The following ASPH variants were observed in gnomAD, a reference collection of about 807,000 sequenced individuals.
ASPH encodes aspartyl/asparaginyl beta-hydroxylase.
Under a neutral mutation model 118.4 loss-of-function variants are expected in ASPH, and 100 were observed. That is an observed-to-expected ratio of 0.84 (90% CI 0.72 to 1.00). The LOEUF (loss-of-function observed/expected upper bound fraction) is 1.00, where lower values mean the gene tolerates loss of function less well. ASPH is among the 50% of genes least tolerant of loss of function. The pLI is 0.00. For missense variants in ASPH, 920 were observed against 919.5 expected, an observed-to-expected ratio of 1.00 and a Z score of -0.01; for synonymous variants, 315 against 325.6, an observed-to-expected ratio of 0.97 and a Z score of 0.35.
At position 61,689,524 on chromosome 8, in the gene ASPH, C is replaced by G. The variant is rs1443574397; in HGVS notation, c.104-5336G>C. The G allele has an allele frequency of 1.0e-5, 7 of 671,388 alleles. No individual in the cohort carries two copies. In the East Asian group the frequency reaches 2.0e-4, roughly 20 times the overall value. 41.6% of individuals were successfully genotyped at this position (671,388 alleles called of 1,614,324 possible). On this transcript the variant is annotated intron_variant, in intron 1 of 24. Transcript: ENST00000379454. Reference sequence around the variant, plus strand: ...GAAATATTCAGCTACTATGAAAAGTCAGTATCTCCAGGAGTTCAAAATAGA... The same window carrying G: ...GAAATATTCAGCTACTATGAAAAGTGAGTATCTCCAGGAGTTCAAAATAGA...
At chr8:61,559,443 GTCTC>G (rs546373109) in intron 18 of ASPH, among the ~76,000 whole-genome samples, 1 of 152,008 alleles carries the variant, frequency 6.6e-6, no homozygotes, top group Non-Finnish European at 1.5e-5. Flanking sequence ...TAGACAGATT[GTCTC>G]TCTCTTTCTC....
intron 14 of ASPH, among the ~76,000 whole-genome samples, chr8:61,618,372 C>T (rs1167382466): frequency 6.6e-6 from 1 of 152,092 alleles, no homozygotes; most frequent in Non-Finnish European, 1.5e-5. Flanking sequence ...TATGATCATC[C>T]ATATAATTTT....
chr8:61,607,385 G>A lies in ASPH; in HGVS notation c.976+11593C>T, dbSNP rs1845901335. ...TCTCCTACTCCGTTCATCCATACAC[G>A]CTGACTTTTAAAAATGAACTCAAAG... On this transcript the variant is annotated intron_variant, in intron 14 of 24. Transcript: ENST00000379454. The A allele has an allele frequency of 9.5e-6, 6 of 630,836 alleles. No individual in the cohort carries two copies. The East Asian group carries it at 1.1e-4, about 12-fold the overall frequency. 39.1% of individuals were successfully genotyped at this position (630,836 alleles called of 1,614,324 possible). A position where few individuals can be genotyped will look rare whatever the true frequency, so the allele number is the denominator to read the frequency against.
chr8:61,534,990 G>T (rs1312870518), intron 21 of ASPH, among the ~76,000 whole-genome samples: 1 of 152,222 alleles, frequency 6.6e-6, no homozygotes, highest in Non-Finnish European at 1.5e-5. Flanking sequence ...CTGTCTGCAT[G>T]TGGCATTTCC....
At chr8:61,527,672 C>A (rs181692071) in intron 21 of ASPH, among the ~76,000 whole-genome samples, 55 of 152,280 alleles carry the variant, frequency 3.6e-4, no homozygotes, top group African/African-American at 1.3e-3. Context: ...AAAGTACACT[C>A]CCAGGAAGGG....
intron 22 of ASPH, among the ~76,000 whole-genome samples, chr8:61,519,322 A>C (rs1367423415): frequency 1.3e-5 from 2 of 152,202 alleles, no homozygotes; most frequent in African/African-American, 4.8e-5. Context: ...AATTTTAAAA[A>C]ATATTTCCAG....
intron 13 of ASPH, among the ~76,000 whole-genome samples, chr8:61,619,259 G>C (rs1453553003): frequency 6.6e-6 from 1 of 152,114 alleles, no homozygotes; most frequent in Non-Finnish European, 1.5e-5. Flanking sequence ...TAGGCACCAG[G>C]CTAAGTACTC....
In ASPH at chr8:61,599,166, G is replaced by A. The variant is rs1227898058; in HGVS notation, c.977-15137C>T. Among the ~76,000 whole-genome samples, 6 of 151,384 alleles carry A rather than the reference G, an allele frequency of 4.0e-5. No individual in the cohort carries two copies. In the East Asian group the frequency reaches 1.2e-3, roughly 29 times the overall value. ...ATCAGAGAAAAACTAAACAAAATAGGGACTAAAAAAAAATTACAAAAGTTC... is the reference window on the plus strand; with the variant it reads ...ATCAGAGAAAAACTAAACAAAATAGAGACTAAAAAAAAATTACAAAAGTTC... On this transcript the variant is annotated intron_variant, in intron 14 of 24. Coordinates refer to ENST00000379454, the MANE Select transcript of ASPH (RefSeq NM_004318.4).
chr8:61,707,308 G>A (rs1446004360), intron 1 of ASPH, among the ~76,000 whole-genome samples: 5 of 151,478 alleles, frequency 3.3e-5, no homozygotes, highest in Non-Finnish European at 7.4e-5. Context: ...CAAGATATAC[G>A]AACAGGCAAT....
chr8:61,522,531 T>A (rs1204930016), intron 22 of ASPH, among the ~76,000 whole-genome samples: 2 of 152,172 alleles, frequency 1.3e-5, no homozygotes, highest in Non-Finnish European at 2.9e-5. Context: ...TCCCCATGTG[T>A]CATGGGAGGG....
rs541208339 is a variant in ASPH, at chr8:61,709,658, T to C, written c.103+4611A>G. Among the ~76,000 whole-genome samples the C allele has an allele frequency of 4.7e-4, 71 of 152,334 alleles. 1 individual carries two copies. In the Middle Eastern group the frequency reaches 0.027, roughly 58 times the overall value. On this transcript the variant is annotated intron_variant, in intron 1 of 24. Coordinates refer to ENST00000379454, the MANE Select transcript of ASPH (RefSeq NM_004318.4). ...TTCATTTGAAAAACATTTTTGTACC[T>C]TGGTACAGAATGAAGTCAAGCCATT...
chr8:61,578,827 C>T (rs1836303035), intron 15 of ASPH: 1 of 1,611,526 alleles, frequency 6.2e-7, no homozygotes, highest in East Asian at 2.2e-5. Flanking sequence ...GTGGATGAAG[C>T]TTACATGAAC....
chr8:61,671,809 TATGAA>T (rs1261254870), intron 3 of ASPH, among the ~76,000 whole-genome samples: 1 of 152,250 alleles, frequency 6.6e-6, no homozygotes, highest in Non-Finnish European at 1.5e-5. Flanking sequence ...AAATGTTCTC[TATGAA>T]ATTAAAATGT....
chr8:61,655,904 T>C (rs1813438835), intron 3 of ASPH, among the ~76,000 whole-genome samples: 2 of 152,208 alleles, frequency 1.3e-5, no homozygotes, highest in African/African-American at 4.8e-5. Flanking sequence ...CTGTATCTCC[T>C]CCTCTAGACC....
chr8:61,624,247 A>G, intron 13 of ASPH: 4 of 985,406 alleles, frequency 4.1e-6, no homozygotes, highest in Non-Finnish European at 4.8e-6. Context: ...AAAAAGGTGG[A>G]GCAGGCTGTC....
intron 1 of ASPH, among the ~76,000 whole-genome samples, chr8:61,695,409 A>G (rs1380795582): frequency 1.3e-5 from 2 of 152,104 alleles, no homozygotes; most frequent in Admixed American, 1.3e-4. Flanking sequence ...TCACCCCCCT[A>G]GCTGCCTAGA....
At chr8:61,548,947 G>C (rs1824880851) in intron 20 of ASPH, among the ~76,000 whole-genome samples, 1 of 152,056 alleles carries the variant, frequency 6.6e-6, no homozygotes, top group African/African-American at 2.4e-5. Flanking sequence ...CGCTCTTTAT[G>C]GCTCCTTTAA....
intron 14 of ASPH, among the ~76,000 whole-genome samples, chr8:61,605,600 A>G (rs1042288573): frequency 6.6e-6 from 1 of 152,224 alleles, no homozygotes; most frequent in Non-Finnish European, 1.5e-5. Context: ...CACACTAGTA[A>G]GAGGAATTCA....
At chr8:61,555,187 T>C (rs1460591049) in intron 19 of ASPH, among the ~76,000 whole-genome samples, 1 of 152,222 alleles carries the variant, frequency 6.6e-6, no homozygotes, top group Admixed American at 6.5e-5. Context: ...TTAAGAGTAC[T>C]ATTCTGAGTA....
Sources: allele counts gnomAD v4.1 joint callset (sites outside exome capture counted in the v4.1 genomes callset), GRCh38; gene constraint gnomAD v4.1.1; transcripts MANE v1.5; gene names NCBI Gene and HGNC (gene_info 2026-07-23, HGNC 2026-07-21).